Variants in STAC observed in about 807,000 individuals in gnomAD.
The protein encoded by STAC is SH3 and cysteine rich domain.
Under a neutral mutation model 48.8 loss-of-function variants are expected in STAC, and 43 were observed. That is an observed-to-expected ratio of 0.88 (90% CI 0.69 to 1.14). The LOEUF is 1.14. Ranked by LOEUF, STAC falls within the 50% of genes most tolerant of loss-of-function variation. STAC has a pLI of 0.00. For synonymous variants in STAC, 193 were observed against 179.5 expected, an observed-to-expected ratio of 1.07 and a Z score of -0.60; for missense variants, 497 against 504.0, an observed-to-expected ratio of 0.99 and a Z score of 0.13.
intron 2 of STAC, among the ~76,000 whole-genome samples, chr3:36,457,100 T>C (rs746931648): frequency 9.9e-5 from 15 of 152,216 alleles, no homozygotes; most frequent in Non-Finnish European, 2.2e-4. Context: ...AGTAAAAACT[T>C]TGTCTCATTG....
chr3:36,543,763 A>G (rs545485457), intron 10 of STAC, among the ~76,000 whole-genome samples: 1 of 152,312 alleles, frequency 6.6e-6, no homozygotes, highest in South Asian at 2.1e-4. Flanking sequence ...TGTTTGTTCC[A>G]AGGCATGGAG....
intron 2 of STAC, among the ~76,000 whole-genome samples, chr3:36,476,910 C>T (rs1697508512): frequency 6.7e-6 from 1 of 149,926 alleles, no homozygotes; most frequent in African/African-American, 2.4e-5. Context: ...TCACAGCCTC[C>T]TCTCCGAGCC....
At chr3:36,496,697 T>C (rs977946218) in intron 6 of STAC, among the ~76,000 whole-genome samples, 1 of 152,184 alleles carries the variant, frequency 6.6e-6, no homozygotes, top group Non-Finnish European at 1.5e-5. Context: ...ATGGAGGAAA[T>C]TGTTGGTCTT....
At chr3:36,389,086 C>A (rs888222967) in intron 1 of STAC, among the ~76,000 whole-genome samples, 2 of 152,126 alleles carry the variant, frequency 1.3e-5, no homozygotes, top group Non-Finnish European at 2.9e-5. Context: ...CATAGTATAT[C>A]TGTAGTTATT....
At chr3:36,404,332 G>C (rs1407007691) in intron 1 of STAC, among the ~76,000 whole-genome samples, 1 of 152,132 alleles carries the variant, frequency 6.6e-6, no homozygotes, top group East Asian at 1.9e-4. Flanking sequence ...ATTAATGGCA[G>C]ATTACTTAAA....
At chr3:36,516,141 G>A (rs1201909486) in intron 8 of STAC, among the ~76,000 whole-genome samples, 4 of 151,558 alleles carry the variant, frequency 2.6e-5, no homozygotes, top group Admixed American at 1.3e-4. Flanking sequence ...CTGCCACCAC[G>A]CCCCACTAAT....
chr3:36,422,420 C>T (rs1700470477), intron 1 of STAC, among the ~76,000 whole-genome samples: 1 of 152,074 alleles, frequency 6.6e-6, no homozygotes, highest in South Asian at 2.1e-4. Flanking sequence ...TCAATAAATG[C>T]TGGCCATTGT....
At chr3:36,384,210 A>C (rs535788678) in intron 1 of STAC, among the ~76,000 whole-genome samples, 1 of 152,322 alleles carries the variant, frequency 6.6e-6, no homozygotes, top group African/African-American at 2.4e-5. Context: ...GACAACATAG[A>C]AAGCTTGCTA....
chr3:36,539,367 C>G (rs776320062), intron 10 of STAC, among the ~76,000 whole-genome samples: 1 of 152,074 alleles, frequency 6.6e-6, no homozygotes, highest in Non-Finnish European at 1.5e-5. Flanking sequence ...CCCTTCACCC[C>G]CTAAAAGGTC....
chr3:36,406,490 C>A (rs1405684810), intron 1 of STAC, among the ~76,000 whole-genome samples: 1 of 152,182 alleles, frequency 6.6e-6, no homozygotes, highest in African/African-American at 2.4e-5. Context: ...CCATTCACTG[C>A]GAACCTGCAG....
At position 36,437,043 on chromosome 3, in the gene STAC, C is replaced by T. The variant is rs540341625; in HGVS notation, c.112-6321C>T. 1.2e-4 allele frequency among the ~76,000 whole-genome samples: 19 copies of T among 152,034 alleles called. No individual in the cohort carries two copies. In the South Asian group the frequency reaches 3.3e-3, roughly 27 times the overall value. On this transcript the variant is annotated intron_variant, in intron 1 of 10. Transcript: ENST00000273183. The stretch of plus-strand genomic sequence containing the variant: ...TGAAAAAATGCTCACCATCACTGGC[C>T]ATCAGAGAAATGCAAATCAAAACCA...
At chr3:36,513,162 T>C (rs1049353743) in intron 8 of STAC, among the ~76,000 whole-genome samples, 7 of 152,150 alleles carry the variant, frequency 4.6e-5, no homozygotes, top group African/African-American at 1.7e-4. Context: ...ATATTCATTA[T>C]ATATCTGCTC....
chr3:36,434,830 T>C (rs1197068211), intron 1 of STAC, among the ~76,000 whole-genome samples: 2 of 152,204 alleles, frequency 1.3e-5, no homozygotes, highest in East Asian at 3.9e-4. Context: ...TGACTCCCAA[T>C]TTCTGCATTC....
chr3:36,402,438 A>G (rs546029314), intron 1 of STAC, among the ~76,000 whole-genome samples: 1 of 152,146 alleles, frequency 6.6e-6, no homozygotes, highest in East Asian at 1.9e-4. Context: ...TTTAATCATC[A>G]CAACAACCCT....
At chr3:36,415,513 G>A (rs1319506709) in intron 1 of STAC, among the ~76,000 whole-genome samples, 2 of 152,222 alleles carry the variant, frequency 1.3e-5, no homozygotes, top group Non-Finnish European at 2.9e-5. Context: ...GTATTGGGGT[G>A]GGAGTGACCC....
At chr3:36,426,512 C>T (rs1700567661) in intron 1 of STAC, among the ~76,000 whole-genome samples, 1 of 152,200 alleles carries the variant, frequency 6.6e-6, no homozygotes, top group African/African-American at 2.4e-5. Context: ...AAGGATTATA[C>T]ACATTGTTTG....
chr3:36,504,354 T>C (rs1698347386), intron 6 of STAC, 39 bp from the exon 7 acceptor site: 4 of 1,565,858 alleles, frequency 2.6e-6, no homozygotes, highest in Non-Finnish European at 3.5e-6. Context: ...AAATGGTAAC[T>C]AGATTCATAG....
At chr3:36,440,971 A>G (rs1358584176) in intron 1 of STAC, among the ~76,000 whole-genome samples, 3 of 152,198 alleles carry the variant, frequency 2.0e-5, no homozygotes, top group African/African-American at 7.2e-5. Context: ...TTTAATTGAC[A>G]TAAAATAATT....
At chr3:36,395,527 G>A (rs546801010) in intron 1 of STAC, among the ~76,000 whole-genome samples, 1 of 152,304 alleles carries the variant, frequency 6.6e-6, no homozygotes, top group East Asian at 1.9e-4. Context: ...TATCTGGCTA[G>A]AGACTACTTG....
Sources: gnomAD v4.1 joint callset for allele counts (sites outside exome capture counted in the v4.1 genomes callset) on GRCh38, gnomAD v4.1.1 for gene constraint, MANE v1.5 for transcripts, NCBI Gene and HGNC (gene_info 2026-07-23, HGNC 2026-07-21) for gene names.